The following FGF13 variants were observed in gnomAD, a reference collection of about 807,000 sequenced individuals.
FGF13 encodes the protein fibroblast growth factor 13, also known as fibroblast growth factor homologous factor 2.
Under a neutral mutation model 19.5 loss-of-function variants are expected in FGF13, and 2 were observed. The ratio of observed to expected loss-of-function variants is 0.10; its 90% confidence interval spans 0.04 to 0.32. The LOEUF (loss-of-function observed/expected upper bound fraction) is 0.32, where lower values mean the gene tolerates loss of function less well. Ranked by LOEUF, FGF13 falls within the 10% of genes least tolerant of loss-of-function variation. The probability of loss-of-function intolerance (pLI) is 1.00; values close to 1 mark genes in which losing one functional copy is unlikely to be tolerated. For synonymous variants in FGF13, 72 were observed against 76.9 expected (o/e 0.94, Z 0.33); for missense variants, 113 against 192.7 (o/e 0.59, Z 2.45).
rs372777290 is a variant in FGF13 at position 139,081,724 on chromosome X, C to CTCTCTCTCTCTCTCTCTCTG, written c.-113+121691_-113+121692insCAGAGAGAGAGAGAGAGAGA. Among the ~76,000 whole-genome samples the CTCTCTCTCTCTCTCTCTCTG allele has an allele frequency of 4.3e-3, 454 of 105,321 alleles. 2 individuals carry two copies. Among genetic ancestry groups the CTCTCTCTCTCTCTCTCTCTG allele is most frequent in the African/African-American group, 0.014 (415 of 28,910 alleles). The allele number at this position is 105,321 out of a possible 115,157, so 91.5% of individuals were successfully genotyped here. A position where few individuals can be genotyped will look rare whatever the true frequency, so the allele number is the denominator to read the frequency against. On this transcript the variant is annotated intron_variant, in intron 1 of 2. Transcript: ENST00000421460. ...GAAACCTTGGAGCCATTCTTAATTC[C>CTCTCTCTCTCTCTCTCTCTG]TCTCTCTCTCTCTCTCTTATGTGTT...
At chrX:138,739,934 T>A (rs544748370), upstream of FGF13, among the ~76,000 whole-genome samples, 3 of 112,025 alleles carry the variant, frequency 2.7e-5, no homozygotes, top group South Asian at 3.7e-4. Context: ...AGAAAATCTA[T>A]GAGCAGCCTA....
At chrX:138,728,228 C>T (rs1440199163) in intron 1 of FGF13, among the ~76,000 whole-genome samples, 1 of 111,277 alleles carries the variant, frequency 9.0e-6, no homozygotes, top group Non-Finnish European at 1.9e-5. Context: ...TCCTGGTTCT[C>T]CAGAGTTTCA....
intron 1 of FGF13, among the ~76,000 whole-genome samples, chrX:138,961,060 G>A (rs945244047): frequency 9.0e-6 from 1 of 111,195 alleles, no homozygotes; most frequent in Non-Finnish European, 1.9e-5. Context: ...TTGCTGGTGA[G>A]GAGCTGCAAT....
chrX:138,988,228 T>C (rs1164402710), intron 1 of FGF13, among the ~76,000 whole-genome samples: 1 of 112,407 alleles, frequency 8.9e-6, no homozygotes, highest in Non-Finnish European at 1.9e-5. Flanking sequence ...ATCTGCTCCC[T>C]GGCTCCAACT....
intron 1 of FGF13, among the ~76,000 whole-genome samples, chrX:138,897,587 C>A (rs2091510756): frequency 8.9e-6 from 1 of 112,091 alleles, no homozygotes; most frequent in Non-Finnish European, 1.9e-5. Flanking sequence ...AGATGCTACA[C>A]ACTTGTCATA....
intron 1 of FGF13, among the ~76,000 whole-genome samples, chrX:139,058,285 G>A (rs773836288): frequency 8.9e-6 from 1 of 111,789 alleles, no homozygotes; most frequent in South Asian, 3.8e-4. Flanking sequence ...GGCACTCTGG[G>A]TATCCAAAGT....
At chrX:138,694,495 G>C (rs1353795605) in intron 3 of FGF13, among the ~76,000 whole-genome samples, 1 of 94,199 alleles carries the variant, frequency 1.1e-5, no homozygotes, top group Non-Finnish European at 2.1e-5. Context: ...CTGTCACCCA[G>C]GCTGGAGTGC....
chrX:138,752,521 C>A (rs2090405455), intron 3 of FGF13, among the ~76,000 whole-genome samples: 1 of 112,124 alleles, frequency 8.9e-6, no homozygotes. Flanking sequence ...CTCTATAATA[C>A]AACAAATAAA....
At chrX:138,698,386 A>C (rs1169760385) in intron 3 of FGF13, among the ~76,000 whole-genome samples, 2 of 111,768 alleles carry the variant, frequency 1.8e-5, no homozygotes, top group Non-Finnish European at 3.8e-5. Flanking sequence ...AGATAAAATA[A>C]GAACGCTCTT....
Position 139,148,080 on chromosome X carries a change from A to G in FGF13, c.-113+55336T>C, listed in dbSNP as rs192076061. On this transcript the variant is annotated intron_variant, in intron 1 of 2. Transcript: ENST00000421460. Reference sequence around the variant, plus strand: ...TGAACATCCTCCTTTCTTTCTACAAAGGTAGAAGAGTAGCAGAGGCCCCTT... The same window carrying G: ...TGAACATCCTCCTTTCTTTCTACAAGGGTAGAAGAGTAGCAGAGGCCCCTT... Among the ~76,000 whole-genome samples, 491 of 111,433 alleles carry G rather than the reference A, an allele frequency of 4.4e-3. 2 individuals are homozygous for G. Among genetic ancestry groups the G allele is most frequent in the African/African-American group, 0.015 (457 of 30,675 alleles).
chrX:139,019,209 C>A (rs2092167164), intron 1 of FGF13, among the ~76,000 whole-genome samples: 1 of 111,776 alleles, frequency 8.9e-6, no homozygotes, highest in African/African-American at 3.2e-5. Context: ...CCAGGGTGTT[C>A]TAGAAAACCT....
intron 3 of FGF13, among the ~76,000 whole-genome samples, chrX:138,788,939 G>A (rs2090716446): frequency 9.0e-6 from 1 of 111,631 alleles, no homozygotes; most frequent in African/African-American, 3.3e-5. Context: ...AACAGTTTGT[G>A]TAGAAATGTG....
intron 1 of FGF13, among the ~76,000 whole-genome samples, chrX:138,928,995 ATGAC>A (rs763313879): frequency 3.6e-5 from 4 of 111,541 alleles, no homozygotes; most frequent in African/African-American, 1.3e-4. Context: ...TCTCTCAACA[ATGAC>A]TGACTGTACT....
intron 1 of FGF13, among the ~76,000 whole-genome samples, chrX:139,060,428 A>T (rs1425100755): frequency 9.0e-6 from 1 of 111,520 alleles, no homozygotes; most frequent in Non-Finnish European, 1.9e-5. Context: ...CTAGCTAACG[A>T]TACAGATCTT....
At chrX:139,009,600 G>A (rs190302162) in intron 1 of FGF13, among the ~76,000 whole-genome samples, 1 of 111,466 alleles carries the variant, frequency 9.0e-6, no homozygotes, top group East Asian at 2.8e-4. Context: ...ACAAACAAAT[G>A]TTAAAATAAT....
intron 1 of FGF13, among the ~76,000 whole-genome samples, chrX:139,123,525 T>C (rs988069382): frequency 8.9e-6 from 1 of 112,199 alleles, no homozygotes; most frequent in Non-Finnish European, 1.9e-5. Context: ...CATATCTAGG[T>C]CTCAGTTTAA....
At chrX:138,961,916 T>C (rs1263518296) in intron 1 of FGF13, among the ~76,000 whole-genome samples, 1 of 111,559 alleles carries the variant, frequency 9.0e-6, no homozygotes, top group Non-Finnish European at 1.9e-5. Context: ...GGCATTACCA[T>C]TCAGGACATA....
chrX:138,964,161 T>C (rs942969766), intron 1 of FGF13, among the ~76,000 whole-genome samples: 49 of 111,699 alleles, frequency 4.4e-4, no homozygotes, highest in African/African-American at 1.6e-3. Flanking sequence ...GGCAAGTCTG[T>C]AGAGAAAGAA....
chrX:138,837,335 G>A (rs1009362033), intron 3 of FGF13, among the ~76,000 whole-genome samples: 2 of 111,927 alleles, frequency 1.8e-5, no homozygotes, highest in African/African-American at 6.5e-5. Flanking sequence ...ATCCCAGGGA[G>A]AGCTGAGACG....
Sources: gnomAD v4.1 joint callset for allele counts (sites outside exome capture counted in the v4.1 genomes callset) on GRCh38, gnomAD v4.1.1 for gene constraint, MANE v1.5 for transcripts, NCBI Gene and HGNC (gene_info 2026-07-23, HGNC 2026-07-21) for gene names.